EYS: variants seen among roughly 807,000 people sequenced by gnomAD.
The protein encoded by EYS is protein eyes shut homolog.
A neutral mutation model predicts 282.1 loss-of-function variants in EYS; 250 were observed. The ratio of observed to expected loss-of-function variants is 0.89; its 90% confidence interval spans 0.80 to 0.98. The LOEUF (loss-of-function observed/expected upper bound fraction) is 0.98, where lower values mean the gene tolerates loss of function less well. EYS is among the 50% of genes least tolerant of loss of function. EYS has a pLI of 0.00. For missense variants in EYS, 4,016 were observed against 3,709.0 expected, an observed-to-expected ratio of 1.08 and a Z score of -2.15; for synonymous variants, 1,355 against 1,282.9, an observed-to-expected ratio of 1.06 and a Z score of -1.20.
intron 41 of EYS, among the ~76,000 whole-genome samples, chr6:63,746,745 T>C (rs1178254032): frequency 6.6e-6 from 1 of 152,198 alleles, no homozygotes; most frequent in East Asian, 1.9e-4. Flanking sequence ...TGATGGTAGT[T>C]TGTATTTCTG....
chr6:65,413,230 A>C (rs2150371329), intron 5 of EYS, among the ~76,000 whole-genome samples: 2 of 152,292 alleles, frequency 1.3e-5, no homozygotes, highest in East Asian at 1.9e-4. Flanking sequence ...TGAAGCAATT[A>C]AAATAATACT....
At chr6:64,839,600 C>T (rs182310390) in intron 19 of EYS, among the ~76,000 whole-genome samples, 1 of 152,036 alleles carries the variant, frequency 6.6e-6, no homozygotes, top group Admixed American at 6.6e-5. Context: ...CTGTCTTAGC[C>T]TGTTTGTATT....
At chr6:64,983,012 TTAAA>T (rs1179751871) in intron 14 of EYS, among the ~76,000 whole-genome samples, 4 of 151,386 alleles carry the variant, frequency 2.6e-5, no homozygotes, top group African/African-American at 9.6e-5. Context: ...CATAAATCTA[TTAAA>T]TAAATAGATA....
intron 22 of EYS, among the ~76,000 whole-genome samples, chr6:64,680,141 G>A (rs61510615): frequency 0.021 from 3,139 of 152,118 alleles, 75 homozygotes; most frequent in East Asian, 0.11. Flanking sequence ...AAATAAAGAG[G>A]GTTTGGGAAA....
At chr6:65,676,352 G>A (rs187114084) in intron 1 of EYS, among the ~76,000 whole-genome samples, 20 of 151,654 alleles carry the variant, frequency 1.3e-4, no homozygotes, top group African/African-American at 4.8e-4. Context: ...AAAAGAGAGA[G>A]TATTGAAATA....
intron 31 of EYS, among the ~76,000 whole-genome samples, chr6:64,151,357 A>G (rs1165806320): frequency 2.2e-5 from 2 of 89,584 alleles, no homozygotes; most frequent in Admixed American, 1.0e-4. Flanking sequence ...ATATATATAT[A>G]TATATAATTT....
rs1006874621 is a variant in EYS, at chr6:65,619,473, C to T, written c.-333+20305G>A. Among the ~76,000 whole-genome samples, 29 of 152,046 alleles carry T rather than the reference C, an allele frequency of 1.9e-4. 1 individual carries two copies. The highest frequency in any genetic ancestry group is 5.8e-4 in the East Asian group (3 of 5,188). ...TTTGGGCTGAGACAATGGGGTTTTCCAGATATACAATCATGTCATCTGCAA... is the reference window on the plus strand; with the variant it reads ...TTTGGGCTGAGACAATGGGGTTTTCTAGATATACAATCATGTCATCTGCAA... On this transcript the variant is annotated intron_variant, in intron 2 of 42. Transcript: ENST00000503581.
chr6:63,844,743 T>C (rs1374016888), intron 36 of EYS, among the ~76,000 whole-genome samples: 1 of 152,182 alleles, frequency 6.6e-6, no homozygotes, highest in East Asian at 1.9e-4. Flanking sequence ...AAGTTCCTTA[T>C]AGATTCTGGA....
intron 19 of EYS, among the ~76,000 whole-genome samples, chr6:64,831,991 G>A (rs1186362575): frequency 6.6e-6 from 1 of 151,882 alleles, no homozygotes; most frequent in Non-Finnish European, 1.5e-5. Context: ...TCAAGGTGAA[G>A]AGATGCAGAA....
chr6:65,093,591 C>A (rs1208721730), intron 12 of EYS, among the ~76,000 whole-genome samples: 1 of 151,756 alleles, frequency 6.6e-6, no homozygotes, highest in South Asian at 2.1e-4. Context: ...TGCTGTAAGA[C>A]AAGCATGCCT....
chr6:63,771,052 T>G (rs913316357), intron 40 of EYS, among the ~76,000 whole-genome samples: 11 of 152,170 alleles, frequency 7.2e-5, no homozygotes, highest in African/African-American at 2.7e-4. Context: ...GTAGGCCTTA[T>G]TTTGTAGTTC....
Position 64,591,725 on chromosome 6 carries a change from C to T in EYS, c.4142G>A (p.Gly1381Asp). 1 of 1,551,252 alleles carries T rather than the reference C, an allele frequency of 6.4e-7. No homozygotes were observed. Among genetic ancestry groups the T allele is most frequent in the East Asian group, 2.4e-5 (1 of 40,906 alleles). The change falls in exon 26 of 43, where the codon GGT (glycine) becomes GAT (aspartate). Residue 1381 changes from glycine (G) to aspartate (D), a missense_variant. Coordinates refer to ENST00000503581, the MANE Select transcript of EYS (RefSeq NM_001142800.2). ...TGCTCTCCTATCAGGAAAAAAGAAA[C>T]CTAGTGTGGCTGCTGAAGTTCGAAT... is the stretch of plus-strand genomic sequence containing the variant. ...MPIRTSAATLGFFFPDRRART... is the reference protein window; with the variant it reads ...MPIRTSAATLDFFFPDRRART...
intron 22 of EYS, among the ~76,000 whole-genome samples, chr6:64,688,517 C>A (rs1770245158): frequency 6.6e-6 from 1 of 152,120 alleles, no homozygotes; most frequent in Admixed American, 6.6e-5. Context: ...GTTCAGTTTC[C>A]ATGTAATTGA....
intron 33 of EYS, among the ~76,000 whole-genome samples, chr6:64,048,771 A>G (rs1379284066): frequency 6.6e-6 from 1 of 151,722 alleles, no homozygotes; most frequent in Admixed American, 6.6e-5. Context: ...ATTGATACTA[A>G]ATATTATCAA....
intron 12 of EYS, among the ~76,000 whole-genome samples, chr6:65,159,272 G>C (rs532235802): frequency 6.6e-6 from 1 of 150,856 alleles, no homozygotes; most frequent in South Asian, 2.1e-4. Context: ...AACTTCTACT[G>C]GCCAACTCTG....
chr6:64,857,362 G>T (rs949358496), intron 19 of EYS, among the ~76,000 whole-genome samples: 1 of 152,060 alleles, frequency 6.6e-6, no homozygotes, highest in African/African-American at 2.4e-5. Flanking sequence ...TGTGGCATTT[G>T]TCTTTCTGTG....
At chr6:65,492,399 G>A (rs1229749145) in intron 4 of EYS, among the ~76,000 whole-genome samples, 2 of 151,142 alleles carry the variant, frequency 1.3e-5, no homozygotes, top group South Asian at 2.1e-4. Context: ...AGGAAAGAAG[G>A]AAGGAAGGAA....
intron 30 of EYS, among the ~76,000 whole-genome samples, chr6:64,270,637 G>C (rs1039614917): frequency 1.3e-5 from 2 of 152,116 alleles, no homozygotes; most frequent in South Asian, 4.1e-4. Context: ...TATAGAACTT[G>C]TAATAGCTGA....
intron 12 of EYS, among the ~76,000 whole-genome samples, chr6:65,247,808 GTTCA>G (rs1409948524): frequency 2.0e-5 from 3 of 151,958 alleles, no homozygotes; most frequent in African/African-American, 7.2e-5. Context: ...AAAATTGGGT[GTTCA>G]GTCACTAATA....
Sources: gnomAD v4.1 joint callset for allele counts (sites outside exome capture counted in the v4.1 genomes callset) on GRCh38, gnomAD v4.1.1 for gene constraint, MANE v1.5 for transcripts, NCBI Gene and HGNC (gene_info 2026-07-23, HGNC 2026-07-21) for gene names.